CIB4: variants seen among roughly 807,000 people sequenced by gnomAD.
The protein encoded by CIB4 is calcium and integrin binding family member 4, also known as calcium and integrin-binding family member 4.
CIB4 carries 25 observed loss-of-function variants against 25.8 expected under a neutral mutation model. That is an observed-to-expected ratio of 0.97 (90% CI 0.71 to 1.35). The LOEUF (loss-of-function observed/expected upper bound fraction) is 1.35, where lower values mean the gene tolerates loss of function less well. Among genes scored for constraint, CIB4 ranks in the 40% most tolerant of loss-of-function variants. The pLI is 0.00. For synonymous variants in CIB4, 75 were observed against 81.4 expected (o/e 0.92, Z 0.42); for missense variants, 235 against 228.2 (o/e 1.03, Z -0.19).
intron 3 of CIB4, among the ~76,000 whole-genome samples, chr2:26,596,987 A>G (rs1272250557): frequency 6.6e-6 from 1 of 152,200 alleles, no homozygotes; most frequent in Admixed American, 6.5e-5. Context: ...GCAAATATCC[A>G]CCAAAAAATG....
chr2:26,591,965 G>C (rs774482475), intron 4 of CIB4, among the ~76,000 whole-genome samples: 1 of 152,222 alleles, frequency 6.6e-6, no homozygotes, highest in Non-Finnish European at 1.5e-5. Flanking sequence ...AAGGCACCCC[G>C]GCCAGAACCT....
chr2:26,596,009 A>G (rs1199671312), intron 3 of CIB4, among the ~76,000 whole-genome samples: 2 of 152,234 alleles, frequency 1.3e-5, no homozygotes, highest in Non-Finnish European at 2.9e-5. Context: ...ATGACACAAC[A>G]TGTGAGCACG....
At chr2:26,618,175 C>T (rs1291804690) in intron 3 of CIB4, among the ~76,000 whole-genome samples, 2 of 152,200 alleles carry the variant, frequency 1.3e-5, no homozygotes, top group Non-Finnish European at 2.9e-5. Flanking sequence ...CTCAGGTGGA[C>T]AGGCAGATTC....
intron 3 of CIB4, among the ~76,000 whole-genome samples, chr2:26,626,529 T>C (rs1669309230): frequency 6.6e-6 from 1 of 151,964 alleles, no homozygotes; most frequent in Admixed American, 6.5e-5. Context: ...TATATCATTT[T>C]AATCTTTTTT....
intron 3 of CIB4, among the ~76,000 whole-genome samples, chr2:26,600,590 A>T (rs1486662160): frequency 1.3e-5 from 2 of 152,090 alleles, no homozygotes; most frequent in African/African-American, 4.8e-5. Context: ...TACCTGAAGC[A>T]CCCTCTCACC....
chr2:26,607,976 G>T (rs986270103), intron 3 of CIB4, among the ~76,000 whole-genome samples: 1 of 152,254 alleles, frequency 6.6e-6, no homozygotes, highest in African/African-American at 2.4e-5. Flanking sequence ...GATGGCTCAC[G>T]CCTGTAATCC....
chr2:26,585,085 T>C (rs2148187585), intron 4 of CIB4, among the ~76,000 whole-genome samples: 1 of 152,272 alleles, frequency 6.6e-6, no homozygotes, highest in East Asian at 1.9e-4. Context: ...CACCTGACCC[T>C]ATTTCCCACA....
chr2:26,595,373 C>A, intron 3 of CIB4, 56 bp from the exon 4 acceptor site: 1 of 1,572,346 alleles, frequency 6.4e-7, no homozygotes, highest in East Asian at 2.3e-5. Context: ...GCTGTGTCTC[C>A]CTGGGTCTCT....
intron 3 of CIB4, among the ~76,000 whole-genome samples, chr2:26,599,562 A>G (rs1465816785): frequency 6.6e-6 from 1 of 152,134 alleles, no homozygotes; most frequent in African/African-American, 2.4e-5. Context: ...TCACACAAAA[A>G]TACGCTAGTG....
chr2:26,607,086 C>A (rs1265479599), intron 3 of CIB4, among the ~76,000 whole-genome samples: 1 of 152,232 alleles, frequency 6.6e-6, no homozygotes, highest in Non-Finnish European at 1.5e-5. Context: ...TCTGCCCTAA[C>A]TACCTCTCCT....
At chr2:26,607,841 G>A (rs1668921310) in intron 3 of CIB4, among the ~76,000 whole-genome samples, 1 of 152,272 alleles carries the variant, frequency 6.6e-6, no homozygotes, top group Admixed American at 6.5e-5. Flanking sequence ...CAGCAGAAAT[G>A]TGTGTTCTGG....
At chr2:26,601,231 A>AAAAATAT (rs1395827334) in intron 3 of CIB4, among the ~76,000 whole-genome samples, 6 of 17,234 alleles carry the variant, frequency 3.5e-4, no homozygotes, top group African/African-American at 9.0e-4. Flanking sequence ...AAAAAAAAAA[A>AAAAATAT]ATATATATAT....
chr2:26,595,714 C>T (rs1294060753), intron 3 of CIB4, among the ~76,000 whole-genome samples: 1 of 152,220 alleles, frequency 6.6e-6, no homozygotes, highest in East Asian at 1.9e-4. Context: ...TTGTCCTGTG[C>T]TCAGGCGGGT....
At chr2:26,587,070 G>C (rs1054776115) in intron 4 of CIB4, among the ~76,000 whole-genome samples, 1 of 152,084 alleles carries the variant, frequency 6.6e-6, no homozygotes, top group African/African-American at 2.4e-5. Flanking sequence ...ACTTTGGGAG[G>C]CCAAGGCAGG....
intron 4 of CIB4, among the ~76,000 whole-genome samples, chr2:26,592,176 G>A (rs1171323266): frequency 1.3e-5 from 2 of 152,234 alleles, no homozygotes; most frequent in South Asian, 4.1e-4. Context: ...GTTTGCAACC[G>A]AAAGACTCTT....
At chr2:26,584,975 G>C (rs1668423641) in intron 4 of CIB4, among the ~76,000 whole-genome samples, 1 of 152,210 alleles carries the variant, frequency 6.6e-6, no homozygotes, top group Non-Finnish European at 1.5e-5. Flanking sequence ...CCGCCAGTCG[G>C]GGAGTGCTGC....
At chr2:26,621,860 T>C (rs1669209885) in intron 3 of CIB4, among the ~76,000 whole-genome samples, 1 of 152,198 alleles carries the variant, frequency 6.6e-6, no homozygotes, top group Admixed American at 6.5e-5. Context: ...AAAGGAAATG[T>C]ACAGGAAACT....
At chr2:26,606,165 C>T (rs1212308989) in intron 3 of CIB4, among the ~76,000 whole-genome samples, 2 of 152,242 alleles carry the variant, frequency 1.3e-5, no homozygotes, top group Non-Finnish European at 2.9e-5. Flanking sequence ...ACAGACACTG[C>T]GCTGAGTCCT....
chr2:26,581,273 C>T lies in CIB4; in HGVS notation c.*90G>A. ...GGTGAGTGTGGGCCCAGTACAAAGT[C>T]ATACTTCAAACCAGCTCCCTCCAGT... On this transcript the variant is annotated 3_prime_UTR_variant, in exon 7 of 7. Transcript: ENST00000288861. The T allele has an allele frequency of 1.9e-6, 2 of 1,063,772 alleles. No individual in the cohort carries two copies. The highest frequency in any genetic ancestry group is 2.9e-6 in the Non-Finnish European group (2 of 681,246). 65.9% of individuals were successfully genotyped at this position (1,063,772 alleles called of 1,614,324 possible).
Sources: gnomAD v4.1 joint callset for allele counts (sites outside exome capture counted in the v4.1 genomes callset) on GRCh38, gnomAD v4.1.1 for gene constraint, MANE v1.5 for transcripts, NCBI Gene and HGNC (gene_info 2026-07-23, HGNC 2026-07-21) for gene names.